DLGAP1: variants seen among roughly 807,000 people sequenced by gnomAD.
DLGAP1 encodes disks large-associated protein 1.
A neutral mutation model predicts 90.8 loss-of-function variants in DLGAP1; 11 were observed. That is an observed-to-expected ratio of 0.12 (90% CI 0.08 to 0.20). The LOEUF (loss-of-function observed/expected upper bound fraction) is 0.20, where lower values mean the gene tolerates loss of function less well. Among genes scored for constraint, DLGAP1 ranks in the 10% least tolerant of loss-of-function variants. DLGAP1 has a pLI of 1.00. For missense variants in DLGAP1, 1,050 were observed against 1,333.8 expected (o/e 0.79, Z 3.31); for synonymous variants, 558 against 540.7 (o/e 1.03, Z -0.44).
chr18:3,525,491 C>T (rs2051555953), intron 10 of DLGAP1, among the ~76,000 whole-genome samples: 1 of 152,196 alleles, frequency 6.6e-6, no homozygotes, highest in Non-Finnish European at 1.5e-5. Context: ...CCTCCACCTC[C>T]TGGGTTCAAG....
chr18:3,971,686 T>C (rs139816856), intron 3 of DLGAP1, among the ~76,000 whole-genome samples: 1 of 152,330 alleles, frequency 6.6e-6, no homozygotes, highest in Non-Finnish European at 1.5e-5. Flanking sequence ...AAGGATAACA[T>C]AGAGAAATAT....
At chr18:3,555,914 C>T (rs1030474378) in intron 9 of DLGAP1, among the ~76,000 whole-genome samples, 1 of 152,124 alleles carries the variant, frequency 6.6e-6, no homozygotes, top group Non-Finnish European at 1.5e-5. Context: ...CGACTTTCTC[C>T]TCCTTTTTTT....
intron 1 of DLGAP1, among the ~76,000 whole-genome samples, chr18:4,160,799 T>C (rs2144503237): frequency 6.6e-6 from 1 of 152,290 alleles, no homozygotes; most frequent in East Asian, 1.9e-4. Context: ...AATATAAGCC[T>C]GTCTGTAAGG....
chr18:3,644,247 T>A (rs1004062844), intron 7 of DLGAP1, among the ~76,000 whole-genome samples: 1 of 152,146 alleles, frequency 6.6e-6, no homozygotes, highest in Non-Finnish European at 1.5e-5. Context: ...GGGGTTGGAA[T>A]ATTTTTGGTA....
intron 1 of DLGAP1, among the ~76,000 whole-genome samples, chr18:4,348,681 G>A (rs1414041483): frequency 2.0e-5 from 3 of 152,000 alleles, no homozygotes; most frequent in Admixed American, 6.6e-5. Context: ...AGATGAGCCC[G>A]CAAGATCTTG....
chr18:4,265,134 T>TTCCTTCCTTCCTTCCTTCCTTC lies in DLGAP1; in HGVS notation c.-266-113848_-266-113847insGAAGGAAGGAAGGAAGGAAGGA, dbSNP rs61084906. 3.2e-3 allele frequency among the ~76,000 whole-genome samples: 446 copies of TTCCTTCCTTCCTTCCTTCCTTC among 140,206 alleles called. 5 individuals carry two copies. The highest frequency in any genetic ancestry group is 7.0e-3 in the African/African-American group (237 of 33,986). 92.0% of individuals were successfully genotyped at this position (140,206 alleles called of 152,430 possible). A position where few individuals can be genotyped will look rare whatever the true frequency, so the allele number is the denominator to read the frequency against. On this transcript the variant is annotated intron_variant, in intron 1 of 12. Transcript: ENST00000315677. ...TCCTTCCTTCCTTCCTTCCTTCCTT[T>TTCCTTCCTTCCTTCCTTCCTTC]CCTCCCTCCCTCCCATCCTCTCTTC...
At chr18:4,425,826 C>G (rs2083139894) in intron 1 of DLGAP1, among the ~76,000 whole-genome samples, 1 of 152,148 alleles carries the variant, frequency 6.6e-6, no homozygotes, top group African/African-American at 2.4e-5. Context: ...ATGACCATAT[C>G]TTAGTGGTTT....
chr18:3,747,328 C>T (rs890312796), intron 5 of DLGAP1, among the ~76,000 whole-genome samples: 1 of 152,194 alleles, frequency 6.6e-6, no homozygotes, highest in Non-Finnish European at 1.5e-5. Context: ...GTGATTCCAG[C>T]TGCATCGCTT....
At chr18:4,266,946 AT>A (rs1442745523) in intron 1 of DLGAP1, among the ~76,000 whole-genome samples, 6 of 151,964 alleles carry the variant, frequency 3.9e-5, no homozygotes, top group African/African-American at 1.5e-4. Context: ...CAAGTCTGAT[AT>A]CCATACACTC....
At chr18:3,918,422 C>G (rs531694122) in intron 3 of DLGAP1, among the ~76,000 whole-genome samples, 1 of 152,098 alleles carries the variant, frequency 6.6e-6, no homozygotes, top group East Asian at 1.9e-4. Context: ...AAATACTGTG[C>G]TAGACGTTTT....
chr18:4,080,498 C>CTTT (rs140546923), intron 2 of DLGAP1, among the ~76,000 whole-genome samples: 10,377 of 152,302 alleles, frequency 0.068, 885 homozygotes, highest in African/African-American at 0.19. Flanking sequence ...GCAAAGCTCT[C>CTTT]TGTTGGGCAG....
At chr18:3,529,106 G>C (rs1268027712) in intron 10 of DLGAP1, among the ~76,000 whole-genome samples, 1 of 152,196 alleles carries the variant, frequency 6.6e-6, no homozygotes, top group Non-Finnish European at 1.5e-5. Flanking sequence ...GCTATGGTCT[G>C]AATGTCTGTG....
intron 2 of DLGAP1, among the ~76,000 whole-genome samples, chr18:4,015,298 T>C (rs1667337409): frequency 6.6e-6 from 1 of 152,104 alleles, no homozygotes; most frequent in African/African-American, 2.4e-5. Context: ...CTCTAATCAA[T>C]TGGTAGTGAA....
At chr18:3,560,418 CAAAAA>C (rs57593847) in intron 9 of DLGAP1, among the ~76,000 whole-genome samples, 3 of 60,290 alleles carry the variant, frequency 5.0e-5, no homozygotes, top group Admixed American at 1.9e-4. Context: ...GACTCCGTCT[CAAAAA>C]AAAAAAAAAA....
At chr18:4,398,958 A>G (rs1264473589) in intron 1 of DLGAP1, among the ~76,000 whole-genome samples, 1 of 152,124 alleles carries the variant, frequency 6.6e-6, no homozygotes, top group Non-Finnish European at 1.5e-5. Flanking sequence ...CAGCCTCCCA[A>G]GTAGCTGGGA....
At chr18:4,274,314 GT>G (rs557418812) in intron 1 of DLGAP1, among the ~76,000 whole-genome samples, 2 of 152,120 alleles carry the variant, frequency 1.3e-5, no homozygotes, top group South Asian at 4.2e-4. Context: ...ATATTTGTGA[GT>G]TTCCCCAATT....
chr18:3,997,769 A>G (rs576331325), intron 3 of DLGAP1, among the ~76,000 whole-genome samples: 11 of 152,306 alleles, frequency 7.2e-5, no homozygotes, highest in African/African-American at 2.6e-4. Context: ...TTATGTATGT[A>G]GTCATACATA....
chr18:3,941,113 T>G (rs1599191981), intron 3 of DLGAP1, among the ~76,000 whole-genome samples: 2 of 152,368 alleles, frequency 1.3e-5, no homozygotes, highest in Non-Finnish European at 2.9e-5. Flanking sequence ...TTTGCCATAC[T>G]ACTTTAAATG....
chr18:3,876,105 A>G (rs991904375), intron 4 of DLGAP1, among the ~76,000 whole-genome samples: 2 of 151,874 alleles, frequency 1.3e-5, no homozygotes, highest in Admixed American at 6.6e-5. Flanking sequence ...ATGAGCCTAT[A>G]GATGAAATTA....
Sources: allele counts gnomAD v4.1 joint callset (sites outside exome capture counted in the v4.1 genomes callset), GRCh38; gene constraint gnomAD v4.1.1; transcripts MANE v1.5; gene names NCBI Gene and HGNC (gene_info 2026-07-23, HGNC 2026-07-21).